Variants in CHST10 observed in about 807,000 individuals in gnomAD.
CHST10 encodes carbohydrate sulfotransferase 10, also known as HNK-1 sulfotransferase.
In CHST10, 24 loss-of-function variants were observed where a neutral mutation model predicts 34.7. That is an observed-to-expected ratio of 0.69 (90% CI 0.50 to 0.97). CHST10 has a LOEUF of 0.97. Ranked by LOEUF, CHST10 falls within the 50% of genes least tolerant of loss-of-function variation. CHST10 has a pLI of 0.00. For missense variants in CHST10, 402 were observed against 452.1 expected (o/e 0.89, Z 1.00); for synonymous variants, 161 against 169.3 (o/e 0.95, Z 0.38).
chr2:100,395,482 C>G (rs768363978), intron 6 of CHST10, 27 bp downstream of exon 6: 8 of 1,592,476 alleles, frequency 5.0e-6, no homozygotes, highest in African/African-American at 2.7e-5. Context: ...AAAACTCCCC[C>G]CTCCCCTTTG....
chr2:100,393,585 A>G lies in CHST10; in HGVS notation c.731T>C (p.Leu244Pro). 6.2e-7 allele frequency: 1 copy of G among 1,614,048 alleles called. No homozygotes were observed. The highest frequency in any genetic ancestry group is 8.5e-7 in the Non-Finnish European group (1 of 1,180,016). Reference sequence around the variant, plus strand: ...TAGCCATCTGTGGTTCGGATCGCCGAGGTAGCGCACGAAATCTTCAAACTG... The same window carrying G: ...TAGCCATCTGTGGTTCGGATCGCCGGGGTAGCGCACGAAATCTTCAAACTG... ...GIQFEDFVRYLGDPNHRWLDL... is the reference protein window; with the variant it reads ...GIQFEDFVRYPGDPNHRWLDL... The change falls in exon 7 of 7, where the codon CTC becomes CCC. Residue 244 changes from leucine to proline, a missense_variant. Transcript: ENST00000264249.
chr2:100,405,186 A>T (rs190108529), intron 3 of CHST10, among the ~76,000 whole-genome samples: 2 of 152,272 alleles, frequency 1.3e-5, no homozygotes, highest in Admixed American at 6.5e-5. Context: ...CCCTCCAAGA[A>T]TCGACCCTTG....
chr2:100,417,606 G>C lies in CHST10; in HGVS notation c.-336C>G, dbSNP rs1031529373. On this transcript the variant is annotated 5_prime_UTR_variant, in exon 1 of 7. Coordinates refer to ENST00000264249, the MANE Select transcript of CHST10 (RefSeq NM_004854.5). ...CCCGGCGCGCTAGACCGGCTTTGGG[G>C]GCCAGAACGCCGGCACCGCCTCACG... 6.6e-6 allele frequency: 1 copy of C among 151,298 alleles called. No individual in the cohort carries two copies. Among genetic ancestry groups the C allele is most frequent in the African/African-American group, 2.4e-5 (1 of 41,326 alleles). The allele number at this position is 151,298 out of a possible 1,614,324, so 9.4% of individuals were successfully genotyped here.
chr2:100,417,349 C>A, intron 1 of CHST10, 25 bp downstream of exon 1: 1 of 343,724 alleles, frequency 2.9e-6, no homozygotes, highest in Non-Finnish European at 5.8e-6. Flanking sequence ...CTGAAACCCA[C>A]CCGCCTGCGC....
At position 100,392,683 on chromosome 2, in the gene CHST10, A is replaced by G. The variant is rs1674847932; in HGVS notation, c.*562T>C. ...GTCTACAGGAACAAAATAGTCACAG[A>G]AAGAATGCTTTGCCTCCACAATTGT... On this transcript the variant is annotated 3_prime_UTR_variant, in exon 7 of 7. Coordinates refer to ENST00000264249, the MANE Select transcript of CHST10 (RefSeq NM_004854.5). 1 of 160,662 alleles carries G rather than the reference A, an allele frequency of 6.2e-6. No individual in the cohort carries two copies. The highest frequency in any genetic ancestry group is 1.4e-5 in the Non-Finnish European group (1 of 72,456). The allele number at this position is 160,662 out of a possible 1,614,324, so 10.0% of individuals were successfully genotyped here.
intron 6 of CHST10, 24 bp from the exon 7 acceptor site, chr2:100,393,806 G>T (rs1305500674): frequency 2.5e-6 from 4 of 1,588,960 alleles, no homozygotes; most frequent in Non-Finnish European, 3.4e-6. Flanking sequence ...CGAACAAGAG[G>T]TTAACTTGAT....
In CHST10 at chr2:100,395,490, T is replaced by G. The variant is rs1331473405; in HGVS notation, c.533+19A>C. On this transcript the variant is annotated intron_variant, in intron 6 of 6. Coordinates refer to ENST00000264249, the MANE Select transcript of CHST10 (RefSeq NM_004854.5). ...GTTTACAAAAACTCCCCCCTCCCCT[T>G]TGAGGAAGCTGTTCTCACCGCTTCT... 1.3e-6 allele frequency: 2 copies of G among 1,599,382 alleles called. No homozygotes were observed. Among genetic ancestry groups the G allele is most frequent in the Non-Finnish European group, 1.7e-6 (2 of 1,167,476 alleles).
At chr2:100,412,333 A>G (rs1288538645) in intron 2 of CHST10, among the ~76,000 whole-genome samples, 1 of 152,178 alleles carries the variant, frequency 6.6e-6, no homozygotes, top group African/African-American at 2.4e-5. Context: ...GATGAATCCT[A>G]AAGAGTGGTG....
rs1013964928 is a variant in CHST10 at position 100,392,444 on chromosome 2, T to C, written c.*801A>G. ...CAAGCCCAACCAGCGCCCCCATTCC[T>C]GGGCCATGGTCCTTTTAAGGCCCTC... On this transcript the variant is annotated 3_prime_UTR_variant, in exon 7 of 7. Coordinates refer to ENST00000264249, the MANE Select transcript of CHST10 (RefSeq NM_004854.5). 6.6e-6 allele frequency: 1 copy of C among 152,328 alleles called. No individual in the cohort carries two copies. The highest frequency in any genetic ancestry group is 1.9e-4 in the East Asian group (1 of 5,170). 9.4% of individuals were successfully genotyped at this position (152,328 alleles called of 1,614,324 possible).
At chr2:100,397,495 T>C (rs540469485) in intron 5 of CHST10, among the ~76,000 whole-genome samples, 33 of 152,306 alleles carry the variant, frequency 2.2e-4, no homozygotes, top group African/African-American at 7.5e-4. Flanking sequence ...GTGTGAGCCC[T>C]TCTCACTGCA....
At chr2:100,410,221 T>C (rs1259689091) in intron 2 of CHST10, among the ~76,000 whole-genome samples, 2 of 152,232 alleles carry the variant, frequency 1.3e-5, no homozygotes. Flanking sequence ...TCCCGGCCAC[T>C]GGGCTTCTTG....
intron 2 of CHST10, among the ~76,000 whole-genome samples, chr2:100,410,235 A>T (rs1675774425): frequency 6.6e-6 from 1 of 152,108 alleles, no homozygotes; most frequent in South Asian, 2.1e-4. Flanking sequence ...CTTCTTGTAC[A>T]CTCGGGGTAA....
intron 3 of CHST10, among the ~76,000 whole-genome samples, chr2:100,404,349 T>C (rs1675473195): frequency 6.6e-6 from 1 of 152,066 alleles, no homozygotes; most frequent in African/African-American, 2.4e-5. Flanking sequence ...CCACACCAGA[T>C]CTCACAGGGC....
chr2:100,415,165 T>C (rs1676015262), intron 1 of CHST10, 54 bp from the exon 2 acceptor site: 1 of 1,095,442 alleles, frequency 9.1e-7, no homozygotes, highest in Non-Finnish European at 1.2e-6. Flanking sequence ...CAAGATCAAC[T>C]TACTTAATAC....
At chr2:100,398,885 C>A (rs918996576) in intron 4 of CHST10, among the ~76,000 whole-genome samples, 1 of 152,096 alleles carries the variant, frequency 6.6e-6, no homozygotes, top group African/African-American at 2.4e-5. Context: ...GGAGGGGGCA[C>A]AGGGAGATGT....
Position 100,406,002 on chromosome 2 carries a change from C to T in CHST10, c.100+574G>A, listed in dbSNP as rs1054139402. Reference sequence around the variant, plus strand: ...TGTAGATAAGCAAATGACAAGAGCACGAAGTAGAATCAGCATTCTGAGACC... The same window carrying T: ...TGTAGATAAGCAAATGACAAGAGCATGAAGTAGAATCAGCATTCTGAGACC... On this transcript the variant is annotated intron_variant, in intron 3 of 6. Transcript: ENST00000264249. Among the ~76,000 whole-genome samples, 3 of 152,306 alleles carry T rather than the reference C, an allele frequency of 2.0e-5. No individual in the cohort carries two copies. In the South Asian group the frequency reaches 6.2e-4, roughly 32 times the overall value.
chr2:100,406,814 T>A, intron 2 of CHST10, 107 bp from the exon 3 acceptor site: 1 of 1,362,888 alleles, frequency 7.3e-7, no homozygotes, highest in Admixed American at 2.5e-5. Flanking sequence ...GCACAAATAT[T>A]TCCGTTTTTT....
chr2:100,393,163 G>C lies in CHST10; in HGVS notation c.*82C>G. ...GTCCTCAAAGGAGGGGTGTGGTGGAGGAAGGGTCATTTCTGGGCTCAGATC... is the reference window on the plus strand; with the variant it reads ...GTCCTCAAAGGAGGGGTGTGGTGGACGAAGGGTCATTTCTGGGCTCAGATC... On this transcript the variant is annotated 3_prime_UTR_variant, in exon 7 of 7. Transcript: ENST00000264249. 2 of 1,473,596 alleles carry C rather than the reference G, an allele frequency of 1.4e-6. No homozygotes were observed. The highest frequency in any genetic ancestry group is 2.5e-5 in the South Asian group (2 of 78,672). The allele number at this position is 1,473,596 out of a possible 1,614,324, so 91.3% of individuals were successfully genotyped here.
At position 100,415,034 on chromosome 2, in the gene CHST10, CA is replaced by C. The variant is rs1676008462; in HGVS notation, c.-33+6del. ...TAACTGATGAGCTCACATTCTCCTTCACGTACCTTCTGCAGCCTGGGGCTCA... is the reference window on the plus strand; with the variant it reads ...TAACTGATGAGCTCACATTCTCCTTCCGTACCTTCTGCAGCCTGGGGCTCA... On this transcript the variant is annotated splice_donor_region_variant and intron_variant, in intron 2 of 6. Coordinates refer to ENST00000264249, the MANE Select transcript of CHST10 (RefSeq NM_004854.5). 1 of 1,302,404 alleles carries C rather than the reference CA, an allele frequency of 7.7e-7. No homozygotes were observed. The allele number at this position is 1,302,404 out of a possible 1,614,324, so 80.7% of individuals were successfully genotyped here.
Sources: gnomAD v4.1 joint callset for allele counts (sites outside exome capture counted in the v4.1 genomes callset) on GRCh38, gnomAD v4.1.1 for gene constraint, MANE v1.5 for transcripts, NCBI Gene and HGNC (gene_info 2026-07-23, HGNC 2026-07-21) for gene names.